Variants in SIK3 observed in about 807,000 individuals in gnomAD.
The protein encoded by SIK3 is serine/threonine-protein kinase SIK3.
In SIK3, 28 loss-of-function variants were observed where a neutral mutation model predicts 144.2. The ratio of observed to expected loss-of-function variants is 0.19; its 90% CI spans 0.14 to 0.27. The LOEUF (loss-of-function observed/expected upper bound fraction) is 0.27. SIK3 is among the 10% of genes least tolerant of loss of function. The pLI is 1.00. For synonymous variants in SIK3, 686 were observed against 676.3 expected, an observed-to-expected ratio of 1.01 and a Z score of -0.22; for missense variants, 1,319 against 1,776.0, an observed-to-expected ratio of 0.74 and a Z score of 4.62.
At chr11:116,935,153 CAGG>C (rs1444413769) in intron 3 of SIK3, among the ~76,000 whole-genome samples, 2 of 152,114 alleles carry the variant, frequency 1.3e-5, no homozygotes, top group East Asian at 3.9e-4. Flanking sequence ...GAGGCTGAGG[CAGG>C]AGGATCACTT....
rs1298606606 is a variant in SIK3, at chr11:116,845,543, AG to A, written c.*99del. 1 of 152,226 alleles carries A rather than the reference AG, an allele frequency of 6.6e-6. No individual in the cohort carries two copies. The highest frequency in any genetic ancestry group is 1.9e-4 in the East Asian group (1 of 5,196). The allele number at this position is 152,226 out of a possible 1,614,324, so 9.4% of individuals were successfully genotyped here. On this transcript the variant is annotated 3_prime_UTR_variant, in exon 25 of 25. Coordinates refer to ENST00000445177, the MANE Select transcript of SIK3 (RefSeq NM_001366686.3). ...AAAGCAGCTGTGATATTTTGGGTGG[AG>A]AGAAACACAAGGGCAATTTGGCACA...
intron 17 of SIK3, 99 bp downstream of exon 17, chr11:116,862,103 A>G (rs1943368034): frequency 6.4e-7 from 1 of 1,552,112 alleles, no homozygotes; most frequent in Non-Finnish European, 8.9e-7. Flanking sequence ...CAGACCTCAA[A>G]TCCACTTTGC....
At chr11:116,904,474 C>T (rs1945915697) in intron 4 of SIK3, among the ~76,000 whole-genome samples, 1 of 151,984 alleles carries the variant, frequency 6.6e-6, no homozygotes, top group Non-Finnish European at 1.5e-5. Context: ...TTTTTTCTTT[C>T]CTTTTTTTTT....
intron 1 of SIK3, among the ~76,000 whole-genome samples, chr11:116,985,687 TTTTC>T (rs1950303834): frequency 1.3e-5 from 2 of 152,198 alleles, no homozygotes; most frequent in Non-Finnish European, 2.9e-5. Flanking sequence ...AAAACTGGGT[TTTTC>T]TTTTTCTAAA....
At chr11:116,899,055 G>C (rs1176140410) in intron 4 of SIK3, among the ~76,000 whole-genome samples, 1 of 151,914 alleles carries the variant, frequency 6.6e-6, no homozygotes, top group Non-Finnish European at 1.5e-5. Context: ...CCATGCCTAT[G>C]TCCTGAATGG....
chr11:116,998,402 C>A (rs1392271185), intron 1 of SIK3, among the ~76,000 whole-genome samples: 1 of 147,658 alleles, frequency 6.8e-6, no homozygotes, highest in East Asian at 2.0e-4. Flanking sequence ...ACCCTGGAGG[C>A]GAAGGCTGCA....
intron 20 of SIK3, 89 bp downstream of exon 20, chr11:116,859,176 C>G: frequency 8.2e-7 from 1 of 1,225,242 alleles, no homozygotes; most frequent in Non-Finnish European, 1.1e-6. Context: ...GACCCATTCT[C>G]CTTCCCTCCT....
At chr11:117,085,678 A>C (rs915082808) in intron 1 of SIK3, among the ~76,000 whole-genome samples, 1 of 152,180 alleles carries the variant, frequency 6.6e-6, no homozygotes, top group Non-Finnish European at 1.5e-5. Context: ...TCCACAATAC[A>C]TACTTTTTAA....
At chr11:117,039,206 T>C (rs1191340473) in intron 1 of SIK3, among the ~76,000 whole-genome samples, 5 of 152,216 alleles carry the variant, frequency 3.3e-5, no homozygotes, top group Non-Finnish European at 7.3e-5. Flanking sequence ...TAATAAACCT[T>C]ATTTGATAAA....
chr11:117,030,254 T>A (rs1020798059), intron 1 of SIK3, among the ~76,000 whole-genome samples: 8 of 152,192 alleles, frequency 5.3e-5, no homozygotes, highest in African/African-American at 1.9e-4. Context: ...ATTCTACCTC[T>A]AAGAATGTAT....
intron 1 of SIK3, among the ~76,000 whole-genome samples, chr11:117,062,595 G>C (rs1456280575): frequency 6.6e-6 from 1 of 152,052 alleles, no homozygotes; most frequent in African/African-American, 2.4e-5. Context: ...AATACAGTAA[G>C]TCCAAATTCA....
At chr11:116,943,703 C>T (rs915927679) in intron 3 of SIK3, among the ~76,000 whole-genome samples, 10 of 152,124 alleles carry the variant, frequency 6.6e-5, no homozygotes, top group African/African-American at 2.4e-4. Flanking sequence ...CTTTAGCCTT[C>T]TTTCTCTCCG....
intron 6 of SIK3, among the ~76,000 whole-genome samples, chr11:116,893,480 C>T (rs1945239545): frequency 6.6e-6 from 1 of 151,874 alleles, no homozygotes; most frequent in African/African-American, 2.4e-5. Context: ...AGTTTGAGAT[C>T]AGCCTGGACA....
chr11:116,860,681 A>G (rs1194127951), intron 19 of SIK3, among the ~76,000 whole-genome samples: 8 of 152,208 alleles, frequency 5.3e-5, no homozygotes, highest in African/African-American at 1.9e-4. Flanking sequence ...ATATCTACAT[A>G]CTGTACCATA....
chr11:116,957,404 G>T lies in SIK3; in HGVS notation c.274-340C>A, dbSNP rs192256734. On this transcript the variant is annotated intron_variant, in intron 1 of 24. Coordinates refer to ENST00000445177, the MANE Select transcript of SIK3 (RefSeq NM_001366686.3). ...GTTTCAGTGCAGAGTGGTATACAGG[G>T]TCTCTCATTAAGACAAGAAGCTTTA... 2.0e-3 allele frequency among the ~76,000 whole-genome samples: 297 copies of T among 152,118 alleles called. 2 individuals are homozygous for T. Among genetic ancestry groups the T allele is most frequent in the Non-Finnish European group, 3.3e-3 (227 of 67,980 alleles).
intron 22 of SIK3, 90 bp from the exon 23 acceptor site, chr11:116,847,698 AG>A: frequency 6.4e-7 from 1 of 1,569,096 alleles, no homozygotes; most frequent in Non-Finnish European, 8.7e-7. Context: ...GAAGGAGCCC[AG>A]GCAAAAGACA....
intron 6 of SIK3, among the ~76,000 whole-genome samples, chr11:116,883,433 G>A (rs1323348574): frequency 6.6e-6 from 1 of 152,156 alleles, no homozygotes. Context: ...GAAACCAGGG[G>A]TGTTTTCTGC....
intron 3 of SIK3, among the ~76,000 whole-genome samples, chr11:116,938,538 A>AAGCGG (rs1948079663): frequency 6.7e-5 from 1 of 14,828 alleles, no homozygotes; most frequent in Non-Finnish European, 9.6e-5. Context: ...GACGGGACGG[A>AAGCGG]AGGGGAGGGG....
At chr11:116,896,232 G>A (rs1395407784) in intron 6 of SIK3, 21 bp downstream of exon 6, 5 of 1,612,550 alleles carry the variant, frequency 3.1e-6, no homozygotes, top group South Asian at 1.1e-5. Flanking sequence ...ATTCATAGCT[G>A]TGTGCTAGCG....
Sources: gnomAD v4.1 joint callset for allele counts (sites outside exome capture counted in the v4.1 genomes callset) on GRCh38, gnomAD v4.1.1 for gene constraint, MANE v1.5 for transcripts, NCBI Gene and HGNC (gene_info 2026-07-23, HGNC 2026-07-21) for gene names.